The following SPMAP1 variants were observed in gnomAD, a reference collection of about 807,000 sequenced individuals.
The protein encoded by SPMAP1 is uncharacterized protein C17orf98.
the SPMAP1 span, among the ~76,000 whole-genome samples, chr17:38,836,527 G>A: frequency 6.6e-6 from 1 of 151,762 alleles, no homozygotes; most frequent in Admixed American, 6.6e-5. Flanking sequence ...GCAAGCCCAG[G>A]AGGTCAAGAC....
chr17:38,841,363 C>G, the SPMAP1 span: 1 of 1,614,160 alleles, frequency 6.2e-7, no homozygotes, highest in Non-Finnish European at 8.5e-7. Context: ...TCTCCAGTCG[C>G]AGGCGACACT....
At chr17:38,840,617 C>CA in the SPMAP1 span, among the ~76,000 whole-genome samples, 186 of 48,724 alleles carry the variant, frequency 3.8e-3, 25 homozygotes, top group African/African-American at 6.8e-3. Flanking sequence ...CCCCTCTCTA[C>CA]AAAAAAAAAA....
the SPMAP1 span, chr17:38,837,068 G>C: frequency 1.0e-6 from 1 of 1,000,818 alleles, no homozygotes; most frequent in Non-Finnish European, 1.6e-6. Context: ...CAGTCCCTTT[G>C]CCTCTTCCCC....
the SPMAP1 span, chr17:38,835,146 T>C: frequency 8.2e-6 from 13 of 1,594,938 alleles, no homozygotes; most frequent in African/African-American, 1.3e-5. Flanking sequence ...TAAACATTTG[T>C]CTTAGAAATT....
chr17:38,841,071 AAAG>A, the SPMAP1 span: 1 of 673,170 alleles, frequency 1.5e-6, no homozygotes, highest in Non-Finnish European at 2.4e-6. Context: ...AAAATTTAAA[AAAG>A]AAAAGAAAGT....
At chr17:38,835,336 G>A in the SPMAP1 span, 2 of 1,614,174 alleles carry the variant, frequency 1.2e-6, no homozygotes, top group Admixed American at 3.3e-5. Flanking sequence ...TCACCTGCTG[G>A]AGAGAATGCC....
At chr17:38,837,246 A>G in the SPMAP1 span, 1 of 1,601,536 alleles carries the variant, frequency 6.2e-7, no homozygotes, top group East Asian at 2.2e-5. Flanking sequence ...TGATCCTGAA[A>G]GTGGGCAAGA....
the SPMAP1 span, among the ~76,000 whole-genome samples, chr17:38,837,939 A>T: frequency 6.6e-6 from 1 of 152,152 alleles, no homozygotes; most frequent in Non-Finnish European, 1.5e-5. Flanking sequence ...CCCAGACTGG[A>T]GTGCAGTGTT....
At chr17:38,836,157 G>A in the SPMAP1 span, among the ~76,000 whole-genome samples, 122 of 152,072 alleles carry the variant, frequency 8.0e-4, no homozygotes, top group African/African-American at 2.8e-3. Flanking sequence ...CTCGTGACCC[G>A]CCTGCCTCGG....
the SPMAP1 span, chr17:38,841,108 G>A: frequency 9.3e-7 from 1 of 1,075,250 alleles, no homozygotes; most frequent in African/African-American, 1.6e-5. Context: ...GAAAGTGGCG[G>A]AGCCTTCTTT....
chr17:38,840,374 G>A, the SPMAP1 span, among the ~76,000 whole-genome samples: 10 of 152,120 alleles, frequency 6.6e-5, no homozygotes, highest in Admixed American at 1.3e-4. Flanking sequence ...GACACCGACT[G>A]GTTTGGGAGA....
chr17:38,841,276 C>G, the SPMAP1 span: 3 of 1,614,160 alleles, frequency 1.9e-6, no homozygotes, highest in East Asian at 2.2e-5. Context: ...GCGGAATCGC[C>G]GACCACAGCT....
At chr17:38,840,297 C>T in the SPMAP1 span, among the ~76,000 whole-genome samples, 1 of 152,044 alleles carries the variant, frequency 6.6e-6, no homozygotes, top group African/African-American at 2.4e-5. Context: ...CGGATTTTTG[C>T]GTATTTAGAG....
chr17:38,835,595 G>T, the SPMAP1 span, among the ~76,000 whole-genome samples: 1 of 152,238 alleles, frequency 6.6e-6, no homozygotes, highest in Non-Finnish European at 1.5e-5. Context: ...TGAATGGTTT[G>T]TGCTGGGACA....
At chr17:38,836,278 G>A in the SPMAP1 span, among the ~76,000 whole-genome samples, 1 of 151,886 alleles carries the variant, frequency 6.6e-6, no homozygotes. Flanking sequence ...CAAGAAACTT[G>A]TTTTCCTACC....
chr17:38,838,625 G>T, the SPMAP1 span, among the ~76,000 whole-genome samples: 1 of 151,662 alleles, frequency 6.6e-6, no homozygotes, highest in East Asian at 1.9e-4. Context: ...TAAAATAAAA[G>T]ATTAGCTGCT....
At chr17:38,840,719 T>C in the SPMAP1 span, among the ~76,000 whole-genome samples, 1 of 147,676 alleles carries the variant, frequency 6.8e-6, no homozygotes, top group African/African-American at 2.5e-5. Flanking sequence ...GGTGGGAAGG[T>C]TGCTTGACCC....
At chr17:38,837,035 T>C in the SPMAP1 span, 1 of 780,534 alleles carries the variant, frequency 1.3e-6, no homozygotes, top group African/African-American at 1.7e-5. Flanking sequence ...TGCTCATGTA[T>C]GTGAAGAAAA....
At chr17:38,840,617 CAAAAAAAAAAAAAAAAAA>C in the SPMAP1 span, among the ~76,000 whole-genome samples, 128 of 48,736 alleles carry the variant, frequency 2.6e-3, no homozygotes, top group African/African-American at 5.6e-3. Context: ...CCCCTCTCTA[CAAAAAAAAAAAAAAAAAA>C]AAAAAAAAAA....
Sources: allele counts gnomAD v4.1 joint callset (sites outside exome capture counted in the v4.1 genomes callset), GRCh38; gene constraint gnomAD v4.1.1; transcripts MANE v1.5; gene names NCBI Gene and HGNC (gene_info 2026-07-23, HGNC 2026-07-21).